The following NPLOC4 variants were observed in gnomAD, a reference collection of about 807,000 sequenced individuals.
NPLOC4 encodes the protein nuclear protein localization protein 4 homolog.
A neutral mutation model predicts 80.6 loss-of-function variants in NPLOC4; 18 were observed. The ratio of observed to expected loss-of-function variants is 0.22; its 90% CI spans 0.15 to 0.33. The LOEUF (loss-of-function observed/expected upper bound fraction) is 0.33. Among genes scored for constraint, NPLOC4 ranks in the 10% least tolerant of loss-of-function variants. The pLI, the probability that NPLOC4 is intolerant of heterozygous loss-of-function variation, is 1.00. For synonymous variants in NPLOC4, 313 were observed against 301.5 expected (o/e 1.04, Z -0.39); for missense variants, 540 against 786.1 (o/e 0.69, Z 3.74).
intron 12 of NPLOC4, among the ~76,000 whole-genome samples, chr17:81,582,386 G>A (rs943277139): frequency 2.6e-4 from 40 of 152,284 alleles, no homozygotes; most frequent in African/African-American, 9.1e-4. Context: ...AGCATCTAGC[G>A]GTGTTCTGTG....
At chr17:81,570,313 G>A (rs1368008703) in intron 13 of NPLOC4, among the ~76,000 whole-genome samples, 3 of 152,256 alleles carry the variant, frequency 2.0e-5, no homozygotes, top group Admixed American at 1.3e-4. Flanking sequence ...CCTCCTGGGT[G>A]CCCAGCACGG....
intron 3 of NPLOC4, among the ~76,000 whole-genome samples, chr17:81,620,940 T>C (rs539936980): frequency 6.6e-6 from 1 of 152,146 alleles, no homozygotes; most frequent in South Asian, 2.1e-4. Flanking sequence ...GAAGGATCAC[T>C]TGAGCCCAGA....
At chr17:81,569,621 C>A (rs577013555) in intron 13 of NPLOC4, among the ~76,000 whole-genome samples, 1 of 152,220 alleles carries the variant, frequency 6.6e-6, no homozygotes, top group African/African-American at 2.4e-5. Context: ...GCTCACTAAG[C>A]CCCTTCTGAA....
At chr17:81,609,121 G>A (rs1392684958) in intron 5 of NPLOC4, among the ~76,000 whole-genome samples, 3 of 152,232 alleles carry the variant, frequency 2.0e-5, no homozygotes, top group African/African-American at 7.2e-5. Flanking sequence ...CTGGGTTCAA[G>A]CAACTCTTCT....
intron 2 of NPLOC4, among the ~76,000 whole-genome samples, chr17:81,623,639 A>T (rs2035725196): frequency 6.6e-6 from 1 of 151,658 alleles, no homozygotes; most frequent in African/African-American, 2.4e-5. Context: ...TCTACTAAAA[A>T]TACAAAAAAT....
intron 12 of NPLOC4, among the ~76,000 whole-genome samples, chr17:81,587,675 T>TG (rs2034620948): frequency 3.2e-5 from 1 of 31,708 alleles, no homozygotes; most frequent in East Asian, 2.6e-4. Context: ...AAAAAAGTTG[T>TG]TTTTTTTTTT....
intron 12 of NPLOC4, among the ~76,000 whole-genome samples, chr17:81,587,465 G>A (rs2034612267): frequency 6.6e-6 from 1 of 151,382 alleles, no homozygotes; most frequent in Non-Finnish European, 1.5e-5. Flanking sequence ...ACAGGCGCCT[G>A]CCACCATGCC....
chr17:81,596,479 A>G (rs573121386), intron 10 of NPLOC4, among the ~76,000 whole-genome samples: 10 of 152,160 alleles, frequency 6.6e-5, no homozygotes, highest in African/African-American at 1.9e-4. Flanking sequence ...ATGGTGGTGC[A>G]CACCTGAACC....
intron 1 of NPLOC4, among the ~76,000 whole-genome samples, chr17:81,633,417 C>A (rs2144347183): frequency 6.6e-6 from 1 of 152,290 alleles, no homozygotes; most frequent in Non-Finnish European, 1.5e-5. Flanking sequence ...CTGCAGAATT[C>A]TAAGGTGAAG....
At chr17:81,596,689 G>A (rs1330448581) in intron 10 of NPLOC4, among the ~76,000 whole-genome samples, 1 of 152,218 alleles carries the variant, frequency 6.6e-6, no homozygotes, top group Non-Finnish European at 1.5e-5. Context: ...AGAAAGGCCA[G>A]AAGCACTATG....
At position 81,604,743 on chromosome 17, in the gene NPLOC4, G is replaced by A. The variant is rs1255610009; in HGVS notation, c.655-16C>T. On this transcript the variant is annotated splice_polypyrimidine_tract_variant and intron_variant, in intron 7 of 16. Transcript: ENST00000331134. ...GCCTGTACTTCTGTAGAGTTAACAA[G>A]AGTGGGCTGATGAAAACATGCCATC... 22 of 1,597,282 alleles carry A rather than the reference G, an allele frequency of 1.4e-5. No individual in the cohort carries two copies. Among genetic ancestry groups the A allele is most frequent in the Non-Finnish European group, 1.8e-5 (21 of 1,171,918 alleles).
Position 81,608,911 on chromosome 17 carries a change from C to A in NPLOC4, c.436-89G>T, listed in dbSNP as rs1479946566. 4.0e-6 allele frequency: 4 copies of A among 991,810 alleles called. No individual in the cohort carries two copies. In the East Asian group the frequency reaches 8.0e-5, roughly 20 times the overall value. 61.4% of individuals were successfully genotyped at this position (991,810 alleles called of 1,614,324 possible). ...TCTGCTACGCACAGGGGGAGGCCAGCAGCATGGCCTTGGCAAGTCAAGGCC... is the reference window on the plus strand; with the variant it reads ...TCTGCTACGCACAGGGGGAGGCCAGAAGCATGGCCTTGGCAAGTCAAGGCC... On this transcript the variant is annotated intron_variant, in intron 5 of 16. Coordinates refer to ENST00000331134, the MANE Select transcript of NPLOC4 (RefSeq NM_017921.4).
intron 7 of NPLOC4, among the ~76,000 whole-genome samples, chr17:81,605,102 T>TG (rs2035167077): frequency 6.6e-6 from 1 of 151,806 alleles, no homozygotes; most frequent in Admixed American, 6.6e-5. Flanking sequence ...CTATTTTTTT[T>TG]GTATTTTATA....
Position 81,616,425 on chromosome 17 carries a change from C to G in NPLOC4, c.210-2931G>C, listed in dbSNP as rs774318747. ...ATAACCTGTCATAAGAACCAAAAAT[C>G]CAAATGTAGAAGAGTAACACATGGG... On this transcript the variant is annotated intron_variant, in intron 3 of 16. Transcript: ENST00000331134. Among the ~76,000 whole-genome samples the G allele has an allele frequency of 6.7e-4, 101 of 151,480 alleles. 3 individuals are homozygous for G. The highest frequency in any genetic ancestry group is 2.8e-4 in the Non-Finnish European group (19 of 67,924).
At position 81,572,349 on chromosome 17, in the gene NPLOC4, C is replaced by T. The variant is rs1425560927; in HGVS notation, c.1282-261G>A. Among the ~76,000 whole-genome samples the T allele has an allele frequency of 4.0e-5, 6 of 151,872 alleles. No individual in the cohort carries two copies. Among genetic ancestry groups the T allele is most frequent in the Admixed American group, 2.0e-4 (3 of 15,218 alleles). On this transcript the variant is annotated intron_variant, in intron 12 of 16. Coordinates refer to ENST00000331134, the MANE Select transcript of NPLOC4 (RefSeq NM_017921.4). The surrounding 1 kb of genome is among the most constrained non-coding windows in gnomAD (Gnocchi z 4.5). ...GACTACAGGCGCCCGCCACCACGCC[C>T]GGCTAATTTTTTTTGTATTTTTTAG...
chr17:81,617,883 G>A (rs998653065), intron 3 of NPLOC4, among the ~76,000 whole-genome samples: 2 of 152,224 alleles, frequency 1.3e-5, no homozygotes, highest in Non-Finnish European at 2.9e-5. Context: ...CTGGTCTCCA[G>A]CTCCTAACCA....
At chr17:81,569,535 G>T (rs1359295698) in intron 13 of NPLOC4, among the ~76,000 whole-genome samples, 1 of 152,258 alleles carries the variant, frequency 6.6e-6, no homozygotes, top group Non-Finnish European at 1.5e-5. Flanking sequence ...CTTTGCTCAA[G>T]AGAGATTCGT....
At chr17:81,578,530 T>C (rs1383332741) in intron 12 of NPLOC4, among the ~76,000 whole-genome samples, 8 of 152,196 alleles carry the variant, frequency 5.3e-5, no homozygotes, top group African/African-American at 4.8e-5. Flanking sequence ...AGAGGTTTAA[T>C]TGACTCACAG....
At chr17:81,570,588 G>A (rs576106216) in intron 13 of NPLOC4, among the ~76,000 whole-genome samples, 5 of 152,152 alleles carry the variant, frequency 3.3e-5, no homozygotes, top group African/African-American at 1.2e-4. Context: ...CCCAAGGAAG[G>A]GCATCAGCTC....
Sources: gnomAD v4.1 joint callset for allele counts (sites outside exome capture counted in the v4.1 genomes callset) on GRCh38, gnomAD v4.1.1 for gene constraint, Gnocchi (gnomAD v3.1) non-coding constraint, MANE v1.5 for transcripts, NCBI Gene and HGNC (gene_info 2026-07-23, HGNC 2026-07-21) for gene names.